Variants in FAM228B observed in about 807,000 individuals in gnomAD.
FAM228B encodes the protein protein FAM228B.
In FAM228B, 38 loss-of-function variants were observed where a neutral mutation model predicts 42.6. The ratio of observed to expected loss-of-function variants is 0.89; its 90% CI spans 0.69 to 1.17. The LOEUF (loss-of-function observed/expected upper bound fraction) is 1.17. Ranked by LOEUF, FAM228B falls within the 50% of genes most tolerant of loss-of-function variation. The pLI is 0.00. For missense variants in FAM228B, 344 were observed against 367.3 expected (o/e 0.94, Z 0.52); for synonymous variants, 109 against 122.3 (o/e 0.89, Z 0.72).
At chr2:24,121,052 C>G (rs896246779), upstream of FAM228B, 5 of 1,402,396 alleles carry the variant, frequency 3.6e-6, no homozygotes, top group African/African-American at 5.7e-5. Flanking sequence ...GACAATGGCT[C>G]AAGACATTAA....
At chr2:24,102,940 G>T (rs986439600) in intron 3 of FAM228B, among the ~76,000 whole-genome samples, 18 of 152,094 alleles carry the variant, frequency 1.2e-4, no homozygotes, top group Non-Finnish European at 2.1e-4. Flanking sequence ...TATGTGCCTT[G>T]TAACAATCAT....
chr2:24,133,190 T>C (rs974140722), intron 2 of FAM228B, among the ~76,000 whole-genome samples: 1 of 152,182 alleles, frequency 6.6e-6, no homozygotes, highest in African/African-American at 2.4e-5. Context: ...TGTTTTTTTT[T>C]CTTGGTGTTG....
intron 7 of FAM228B, among the ~76,000 whole-genome samples, chr2:24,148,612 A>G (rs1482222139): frequency 6.6e-6 from 1 of 152,052 alleles, no homozygotes. Context: ...TAGTAGGTGT[A>G]TATATTTATG....
At chr2:24,097,381 A>G (rs1206580412) in intron 3 of FAM228B, 1 of 150,548 alleles carries the variant, frequency 6.6e-6, no homozygotes, top group Non-Finnish European at 1.5e-5. Flanking sequence ...CAGGAGACCC[A>G]GCTCATGTGC....
At chr2:24,158,311 C>G (rs1667207034) in intron 7 of FAM228B, among the ~76,000 whole-genome samples, 1 of 146,738 alleles carries the variant, frequency 6.8e-6, no homozygotes, top group Non-Finnish European at 1.5e-5. Flanking sequence ...CTAGGCCGTA[C>G]AGATTAGTCT....
At chr2:24,115,907 C>CAA (rs35038662) in intron 3 of FAM228B, among the ~76,000 whole-genome samples, 9 of 117,040 alleles carry the variant, frequency 7.7e-5, no homozygotes, top group African/African-American at 9.8e-5. Flanking sequence ...GGTTCCCATG[C>CAA]AAAAAAAAAA....
chr2:24,126,899 C>T (rs181943941), intron 2 of FAM228B, among the ~76,000 whole-genome samples: 3 of 152,344 alleles, frequency 2.0e-5, no homozygotes, highest in South Asian at 2.1e-4. Flanking sequence ...GCTGGGATTA[C>T]AGGCGTGAGC....
chr2:24,079,270 A>G lies in FAM228B; in HGVS notation c.-289-1606A>G, dbSNP rs943564738. On this transcript the variant is annotated intron_variant, in intron 1 of 10. Coordinates refer to the FAM228B transcript ENST00000613899. ...TTTCATGATACTGAAGCTTCTATCAACCAATCTGAATCAGTTCTCTGAAAT... is the reference window on the plus strand; with the variant it reads ...TTTCATGATACTGAAGCTTCTATCAGCCAATCTGAATCAGTTCTCTGAAAT... 7.9e-6 allele frequency: 5 copies of G among 633,250 alleles called. No individual in the cohort carries two copies. The African/African-American group carries it at 9.2e-5, about 12-fold the overall frequency. The allele number at this position is 633,250 out of a possible 1,614,324, so 39.2% of individuals were successfully genotyped here.
intron 2 of FAM228B, 141 bp from the exon 3 acceptor site, chr2:24,134,978 C>T (rs574509823): frequency 9.9e-6 from 6 of 604,892 alleles, no homozygotes; most frequent in East Asian, 9.6e-5. Context: ...AAAAAGCACT[C>T]GATGATATGA....
At chr2:24,139,269 G>A (rs922505314) in intron 4 of FAM228B, 101 bp from the exon 5 acceptor site, 4 of 532,576 alleles carry the variant, frequency 7.5e-6, no homozygotes, top group Non-Finnish European at 1.3e-5. Flanking sequence ...CTGCTTTCAA[G>A]CATAAGAATG....
At chr2:24,079,134 G>A (rs145454015) in intron 1 of FAM228B, 131 of 270,414 alleles carry the variant, frequency 4.8e-4, no homozygotes, top group African/African-American at 2.5e-3. Context: ...GATGAATTCT[G>A]CCTTTGAAAA....
At position 24,164,317 on chromosome 2, in the gene FAM228B, G is replaced by A. The variant is rs901380881; in HGVS notation, c.914G>A (p.Arg305Gln). The change falls in exon 9 of 11, where the codon CGG becomes CAG. Residue 305 changes from arginine to glutamine, a missense_variant. Transcript: ENST00000615575. ...TCTTCCTTGAGCCTCAGCCAGGAAC[G>A]GGAGGAAGACCAGGATGGGTAAGAG... Reference protein sequence around the residue: ...YFSSLSLSQEREEDQDGSPSP... With the variant: ...YFSSLSLSQEQEEDQDGSPSP... 12 of 1,550,522 alleles carry A rather than the reference G, an allele frequency of 7.7e-6. No homozygotes were observed. The highest frequency in any genetic ancestry group is 1.7e-4 in the Middle Eastern group (1 of 5,976).
chr2:24,150,615 G>A (rs1207345368), intron 7 of FAM228B, among the ~76,000 whole-genome samples: 2 of 151,876 alleles, frequency 1.3e-5, no homozygotes, highest in African/African-American at 4.8e-5. Flanking sequence ...AATAGCGATG[G>A]GGTTTCTCCA....
upstream of FAM228B, chr2:24,119,565 A>C (rs1666029483): frequency 3.1e-6 from 5 of 1,604,598 alleles, no homozygotes; most frequent in Middle Eastern, 1.7e-4. Context: ...AGGAACTAGG[A>C]GGCCAACTTA....
chr2:24,110,824 G>A (rs920115179), intron 3 of FAM228B, among the ~76,000 whole-genome samples: 11 of 152,176 alleles, frequency 7.2e-5, no homozygotes, highest in Non-Finnish European at 1.2e-4. Context: ...GTAGCCTGGG[G>A]ACCTGGAACT....
intron 9 of FAM228B, chr2:24,165,380 C>T (rs1368112074): frequency 2.1e-6 from 1 of 471,172 alleles, no homozygotes; most frequent in Non-Finnish European, 4.4e-6. Flanking sequence ...CAGGTCCTCT[C>T]TGTGCAGATG....
intron 2 of FAM228B, among the ~76,000 whole-genome samples, chr2:24,093,577 G>A (rs573744294): frequency 6.6e-6 from 1 of 150,944 alleles, no homozygotes; most frequent in East Asian, 1.9e-4. Context: ...TTGGTTCGGT[G>A]TCTTTGCTAT....
At position 24,079,320 on chromosome 2, in the gene FAM228B, G is replaced by A. The variant is rs115760230; in HGVS notation, c.-289-1556G>A. ...TCGGGTTCCCTCTTTATCTTCAGAG[G>A]GGGAGGTTTCTTCATAGAAACTAAC... On this transcript the variant is annotated intron_variant, in intron 1 of 10. Transcript: ENST00000613899. The A allele has an allele frequency of 2.5e-4, 247 of 1,004,258 alleles. 2 individuals carry two copies. The African/African-American group carries it at 3.8e-3, about 15-fold the overall frequency. The allele number at this position is 1,004,258 out of a possible 1,614,324, so 62.2% of individuals were successfully genotyped here. A position where few individuals can be genotyped will look rare whatever the true frequency, so the allele number is the denominator to read the frequency against.
At chr2:24,089,421 GA>G (rs200229570) in intron 2 of FAM228B, among the ~76,000 whole-genome samples, 4 of 150,556 alleles carry the variant, frequency 2.7e-5, no homozygotes, top group African/African-American at 9.7e-5. Flanking sequence ...GTAAAATCTA[GA>G]AAAAAAAAGG....
Sources: gnomAD v4.1 joint callset for allele counts (sites outside exome capture counted in the v4.1 genomes callset) on GRCh38, gnomAD v4.1.1 for gene constraint, MANE v1.5 for transcripts, NCBI Gene and HGNC (gene_info 2026-07-23, HGNC 2026-07-21) for gene names.